The following MYO1B variants were observed in gnomAD, a reference collection of about 807,000 sequenced individuals.
The protein encoded by MYO1B is unconventional myosin-Ib.
A neutral mutation model predicts 159.7 loss-of-function variants in MYO1B; 72 were observed. That is an observed-to-expected ratio of 0.45 (90% CI 0.37 to 0.55). The LOEUF is 0.55. Among genes scored for constraint, MYO1B ranks in the 20% least tolerant of loss-of-function variants. The pLI is 0.00. For synonymous variants in MYO1B, 468 were observed against 473.8 expected (o/e 0.99, Z 0.16); for missense variants, 1,062 against 1,364.8 (o/e 0.78, Z 3.50).
intron 6 of MYO1B, among the ~76,000 whole-genome samples, chr2:191,347,917 C>T (rs1377053379): frequency 1.3e-5 from 2 of 152,312 alleles, no homozygotes; most frequent in East Asian, 3.9e-4. Flanking sequence ...AATTCCTTGA[C>T]CTCTTCACTG....
At chr2:191,360,204 C>T (rs1403471156) in intron 7 of MYO1B, among the ~76,000 whole-genome samples, 1 of 152,036 alleles carries the variant, frequency 6.6e-6, no homozygotes, top group Non-Finnish European at 1.5e-5. Context: ...AGTGAGATAC[C>T]ATCTGTAAAA....
chr2:191,352,114 A>G (rs1433711752), intron 7 of MYO1B, among the ~76,000 whole-genome samples: 1 of 152,232 alleles, frequency 6.6e-6, no homozygotes, highest in African/African-American at 2.4e-5. Context: ...ACCACATACG[A>G]TGTAACCAAA....
chr2:191,254,694 T>C (rs1686332528), intron 1 of MYO1B, among the ~76,000 whole-genome samples: 1 of 151,978 alleles, frequency 6.6e-6, no homozygotes, highest in South Asian at 2.1e-4. Flanking sequence ...TTTGTAGAGG[T>C]GATGTCTCAT....
chr2:191,346,690 G>A, intron 6 of MYO1B, among the ~76,000 whole-genome samples: 1 of 152,186 alleles, frequency 6.6e-6, no homozygotes. Context: ...AGGATGGGAT[G>A]TATTTTAAAA....
intron 3 of MYO1B, among the ~76,000 whole-genome samples, chr2:191,297,944 T>C (rs758823674): frequency 6.6e-6 from 1 of 152,190 alleles, no homozygotes; most frequent in Non-Finnish European, 1.5e-5. Flanking sequence ...GCCGTGTCCA[T>C]AGTGCCAAGG....
chr2:191,264,434 AT>A (rs1687005098), intron 1 of MYO1B, among the ~76,000 whole-genome samples: 1 of 151,316 alleles, frequency 6.6e-6, no homozygotes, highest in Non-Finnish European at 1.5e-5. Flanking sequence ...AGTGATGCAT[AT>A]TTTTTCCCCT....
rs575050470 is a variant in MYO1B at position 191,420,324 on chromosome 2, G to A, written c.3288-3513G>A. ...GAAAAAATTACCTATAAAGTATACC[G>A]TAATGTAATGTCCTAGGCCTTCACA... On this transcript the variant is annotated intron_variant, in intron 30 of 30. Coordinates refer to ENST00000392318, the MANE Select transcript of MYO1B (RefSeq NM_001130158.3). Among the ~76,000 whole-genome samples, 29 of 152,270 alleles carry A rather than the reference G, an allele frequency of 1.9e-4. No homozygotes were observed. In the South Asian group the frequency reaches 5.8e-3, roughly 30 times the overall value.
In MYO1B at chr2:191,400,911, G is replaced by A. The variant is rs1263944518; in HGVS notation, c.2469+76G>A. 1.9e-5 allele frequency: 26 copies of A among 1,357,310 alleles called. No homozygotes were observed. In the East Asian group the frequency reaches 5.9e-4, roughly 31 times the overall value. 84.1% of individuals were successfully genotyped at this position (1,357,310 alleles called of 1,614,324 possible). ...AGTCCTTACCTCTAGCCTATTAGGGGATGAATGACTACAATTAATAGTGGC... is the reference window on the plus strand; with the variant it reads ...AGTCCTTACCTCTAGCCTATTAGGGAATGAATGACTACAATTAATAGTGGC... On this transcript the variant is annotated intron_variant, in intron 23 of 30. Coordinates refer to ENST00000392318, the MANE Select transcript of MYO1B (RefSeq NM_001130158.3).
chr2:191,324,354 A>G (rs556124959), intron 3 of MYO1B, among the ~76,000 whole-genome samples: 45 of 150,124 alleles, frequency 3.0e-4, no homozygotes, highest in African/African-American at 1.0e-3. Context: ...CTTTTGGATT[A>G]TTTGAATTTT....
At chr2:191,351,142 A>G (rs1342672504) in intron 7 of MYO1B, among the ~76,000 whole-genome samples, 2 of 151,614 alleles carry the variant, frequency 1.3e-5, no homozygotes, top group South Asian at 2.1e-4. Flanking sequence ...TCACCATCCC[A>G]TGGTGCTATT....
chr2:191,272,437 C>T (rs1170204083), intron 1 of MYO1B, among the ~76,000 whole-genome samples: 2 of 152,206 alleles, frequency 1.3e-5, no homozygotes, highest in Non-Finnish European at 2.9e-5. Context: ...TAGAATCCAC[C>T]TGGGGCTAGT....
intron 4 of MYO1B, among the ~76,000 whole-genome samples, chr2:191,331,863 T>C (rs998319329): frequency 6.6e-6 from 1 of 152,248 alleles, no homozygotes; most frequent in Non-Finnish European, 1.5e-5. Flanking sequence ...CTTGGTCCTG[T>C]TGTTCTGGAA....
intron 1 of MYO1B, among the ~76,000 whole-genome samples, chr2:191,266,890 G>A (rs1283171514): frequency 6.6e-6 from 1 of 152,134 alleles, no homozygotes; most frequent in Non-Finnish European, 1.5e-5. Flanking sequence ...TTACACAGTT[G>A]GGAAAAAACT....
chr2:191,246,730 A>G, intron 1 of MYO1B, among the ~76,000 whole-genome samples: 1 of 152,194 alleles, frequency 6.6e-6, no homozygotes, highest in Non-Finnish European at 1.5e-5. Flanking sequence ...ATATAGTACA[A>G]CAGTTTTCCA....
chr2:191,345,764 C>T (rs1473549900), intron 5 of MYO1B, among the ~76,000 whole-genome samples: 3 of 152,086 alleles, frequency 2.0e-5, no homozygotes, highest in Non-Finnish European at 4.4e-5. Flanking sequence ...ATTTAAATAG[C>T]TTTATTTTAA....
chr2:191,408,264 T>G lies in MYO1B; in HGVS notation c.2631+75T>G, dbSNP rs1697049795. The G allele has an allele frequency of 1.1e-5, 12 of 1,068,612 alleles. No homozygotes were observed. In the South Asian group the frequency reaches 1.7e-4, roughly 16 times the overall value. 66.2% of individuals were successfully genotyped at this position (1,068,612 alleles called of 1,614,324 possible). A position where few individuals can be genotyped will look rare whatever the true frequency, so the allele number is the denominator to read the frequency against. On this transcript the variant is annotated intron_variant, in intron 25 of 30. Coordinates refer to ENST00000392318, the MANE Select transcript of MYO1B (RefSeq NM_001130158.3). The stretch of plus-strand genomic sequence containing the variant: ...ACCTAATATCACCAACTCCATAAAA[T>G]GTGCCTTTTCCTAAATGACAAAAGT...
chr2:191,369,407 T>C (rs1694223596), intron 11 of MYO1B, 135 bp from the exon 12 acceptor site: 1 of 645,764 alleles, frequency 1.5e-6, no homozygotes, highest in South Asian at 2.4e-5. Context: ...TTGTTTATGA[T>C]ACAAGAAAAC....
intron 7 of MYO1B, among the ~76,000 whole-genome samples, chr2:191,350,773 G>A (rs1185425806): frequency 1.3e-5 from 2 of 150,780 alleles, no homozygotes; most frequent in Non-Finnish European, 2.9e-5. Context: ...CATGATTTGT[G>A]ACTGTGGAAG....
intron 27 of MYO1B, among the ~76,000 whole-genome samples, chr2:191,412,687 T>C (rs1697319845): frequency 6.6e-6 from 1 of 152,246 alleles, no homozygotes; most frequent in Admixed American, 6.5e-5. Flanking sequence ...CAGAACTTTG[T>C]AGCTCAAAAT....
Sources: gnomAD v4.1 joint callset for allele counts (sites outside exome capture counted in the v4.1 genomes callset) on GRCh38, gnomAD v4.1.1 for gene constraint, MANE v1.5 for transcripts, NCBI Gene and HGNC (gene_info 2026-07-23, HGNC 2026-07-21) for gene names.